The following ATP11A variants were observed in gnomAD, a reference collection of about 807,000 sequenced individuals.
ATP11A encodes ATPase phospholipid transporting 11A, also known as phospholipid-transporting ATPase IH.
A neutral mutation model predicts 154.4 loss-of-function variants in ATP11A; 81 were observed. The observed-to-expected ratio is 0.52, with a 90% confidence interval of 0.44 to 0.63. The LOEUF (loss-of-function observed/expected upper bound fraction) is 0.63. Ranked by LOEUF, ATP11A falls within the 30% of genes least tolerant of loss-of-function variation. ATP11A has a pLI of 0.00. For missense variants in ATP11A, 1,316 were observed against 1,474.3 expected (o/e 0.89, Z 1.76); for synonymous variants, 623 against 585.9 (o/e 1.06, Z -0.91).
intron 25 of ATP11A, among the ~76,000 whole-genome samples, chr13:112,864,774 C>T (rs183474474): frequency 8.6e-5 from 6 of 69,608 alleles, no homozygotes; most frequent in East Asian, 4.4e-4. Context: ...TAATTCAGTG[C>T]GGCCCATGCA....
chr13:112,752,294 G>A (rs145761556), intron 1 of ATP11A, among the ~76,000 whole-genome samples: 137 of 152,298 alleles, frequency 9.0e-4, no homozygotes, highest in African/African-American at 3.0e-3. Context: ...GCTCGGGGCC[G>A]GGAGGAGGGC....
intron 28 of ATP11A, 106 bp downstream of exon 28, chr13:112,876,047 C>T (rs1010423599): frequency 3.6e-5 from 48 of 1,344,556 alleles, no homozygotes; most frequent in Non-Finnish European, 4.7e-5. Flanking sequence ...TTTCATGAAA[C>T]GTGATCAGTT....
At chr13:112,849,258 T>G (rs1000842664) in intron 17 of ATP11A, among the ~76,000 whole-genome samples, 1 of 152,250 alleles carries the variant, frequency 6.6e-6, no homozygotes, top group East Asian at 1.9e-4. Flanking sequence ...TTGAGCATAT[T>G]TGCATCTATA....
intron 2 of ATP11A, among the ~76,000 whole-genome samples, chr13:112,802,155 C>T (rs543940868): frequency 9.3e-4 from 141 of 152,140 alleles, no homozygotes; most frequent in African/African-American, 3.2e-3. Context: ...CCAACCTGGC[C>T]AACACGATGA....
rs376847683 is a variant in ATP11A at position 112,845,552 on chromosome 13, C to T, written c.1809+3173C>T. Among the ~76,000 whole-genome samples the T allele has an allele frequency of 1.1e-3, 121 of 107,380 alleles. 7 individuals are homozygous for T. Among genetic ancestry groups the T allele is most frequent in the African/African-American group, 4.6e-3 (93 of 20,016 alleles). 70.4% of individuals were successfully genotyped at this position (107,380 alleles called of 152,430 possible). On this transcript the variant is annotated intron_variant, in intron 17 of 29. Transcript: ENST00000375645. ...TAACCAGTCCAGTTGCTGGCACTAG[C>T]GGTACTAACCAGTCCAGTTGCCAGG...
chr13:112,851,723 A>G (rs956865500), intron 18 of ATP11A: 2 of 152,448 alleles, frequency 1.3e-5, no homozygotes, highest in Non-Finnish European at 1.5e-5. Context: ...GGATCTCACT[A>G]TGTTGCCCAG....
Position 112,785,335 on chromosome 13 carries a change from A to T in ATP11A, c.162+78A>T. 1 of 1,340,726 alleles carries T rather than the reference A, an allele frequency of 7.5e-7. No individual in the cohort carries two copies. The highest frequency in any genetic ancestry group is 3.0e-5 in the Admixed American group (1 of 32,870). 83.1% of individuals were successfully genotyped at this position (1,340,726 alleles called of 1,614,324 possible). A position where few individuals can be genotyped will look rare whatever the true frequency, so the allele number is the denominator to read the frequency against. On this transcript the variant is annotated intron_variant, in intron 2 of 29. Transcript: ENST00000375645. This position sits in a 1 kb window ranked among gnomAD's most constrained non-coding sequence, Gnocchi z 4.8. ...GGGGGTGTTAGTGCTTCTCGGTTTC[A>T]AAGAGCGGCTCTGCTCCTGGCCCTG...
At chr13:112,768,134 T>C (rs1015163561) in intron 1 of ATP11A, among the ~76,000 whole-genome samples, 1 of 152,244 alleles carries the variant, frequency 6.6e-6, no homozygotes, top group African/African-American at 2.4e-5. Context: ...TTCCTCCGAC[T>C]TCCTCATAGC....
rs35594681 is a variant in ATP11A at position 112,845,639 on chromosome 13, A to G, written c.1809+3260A>G. On this transcript the variant is annotated intron_variant, in intron 17 of 29. Transcript: ENST00000375645. ...AGCGGTACTAACCAGTCCAGTTGCCAGCACTAGCGGTACTATTCAGTCCAG... is the reference window on the plus strand; with the variant it reads ...AGCGGTACTAACCAGTCCAGTTGCCGGCACTAGCGGTACTATTCAGTCCAG... Among the ~76,000 whole-genome samples the G allele has an allele frequency of 4.1e-4, 43 of 105,652 alleles. 5 individuals carry two copies. The highest frequency in any genetic ancestry group is 1.6e-3 in the African/African-American group (28 of 17,124). The allele number at this position is 105,652 out of a possible 152,430, so 69.3% of individuals were successfully genotyped here.
At position 112,882,662 on chromosome 13, in the gene ATP11A, C is replaced by A; in HGVS notation, c.*796C>A. 1 of 400,294 alleles carries A rather than the reference C, an allele frequency of 2.5e-6. No individual in the cohort carries two copies. Among genetic ancestry groups the A allele is most frequent in the Non-Finnish European group, 4.4e-6 (1 of 227,454 alleles). 24.8% of individuals were successfully genotyped at this position (400,294 alleles called of 1,614,324 possible). A position where few individuals can be genotyped will look rare whatever the true frequency, so the allele number is the denominator to read the frequency against. ...CGGCCGCCTCGTGGAGAAGGCAGTG[C>A]CACGTGGGAGGACAAGGCCACGCCG... is the stretch of plus-strand genomic sequence containing the variant. On this transcript the variant is annotated 3_prime_UTR_variant, in exon 30 of 30. Transcript: ENST00000375645. This position sits in a 1 kb window ranked among gnomAD's most constrained non-coding sequence, Gnocchi z 5.1.
At chr13:112,729,310 C>T (rs945020736) in intron 1 of ATP11A, among the ~76,000 whole-genome samples, 8 of 152,220 alleles carry the variant, frequency 5.3e-5, no homozygotes. Context: ...TTTGCTTTCC[C>T]ACCCCTGCTG....
At position 112,882,696 on chromosome 13, in the gene ATP11A, C is replaced by T; in HGVS notation, c.*830C>T. ...AGGACAAGGCCACGCCGGCAGCTTCCAGCCCTGCCGCAGAAGTGCCAGGAT... is the reference window on the plus strand; with the variant it reads ...AGGACAAGGCCACGCCGGCAGCTTCTAGCCCTGCCGCAGAAGTGCCAGGAT... On this transcript the variant is annotated 3_prime_UTR_variant, in exon 30 of 30. Coordinates refer to ENST00000375645, the MANE Select transcript of ATP11A (RefSeq NM_015205.3). This position sits in a 1 kb window ranked among gnomAD's most constrained non-coding sequence, Gnocchi z 5.1. 1 of 400,082 alleles carries T rather than the reference C, an allele frequency of 2.5e-6. No individual in the cohort carries two copies. The highest frequency in any genetic ancestry group is 3.6e-5 in the East Asian group (1 of 28,078). The allele number at this position is 400,082 out of a possible 1,614,324, so 24.8% of individuals were successfully genotyped here.
intron 17 of ATP11A, among the ~76,000 whole-genome samples, chr13:112,844,676 G>A (rs749614634): frequency 6.6e-6 from 1 of 152,040 alleles, no homozygotes; most frequent in Non-Finnish European, 1.5e-5. Context: ...AGGAACAGCA[G>A]CACTCGTTCA....
At chr13:112,826,914 G>A (rs1329554752) in intron 12 of ATP11A, 23 bp downstream of exon 12, 1 of 1,613,300 alleles carries the variant, frequency 6.2e-7, no homozygotes, top group Non-Finnish European at 8.5e-7. Context: ...TGAGTCATCT[G>A]CTGTGATTTA....
chr13:112,781,768 A>G (rs1218839086), intron 1 of ATP11A, among the ~76,000 whole-genome samples: 1 of 124,532 alleles, frequency 8.0e-6, no homozygotes, highest in Non-Finnish European at 1.7e-5. Context: ...TTCTTAATAA[A>G]CTTGCTTTCA....
intron 1 of ATP11A, among the ~76,000 whole-genome samples, chr13:112,742,883 C>T (rs75569002): frequency 0.065 from 9,844 of 152,300 alleles, 483 homozygotes; most frequent in Non-Finnish European, 0.089. Flanking sequence ...AGACTTTCTG[C>T]AGATAGACAC....
chr13:112,691,407 T>C (rs926793697), intron 1 of ATP11A, among the ~76,000 whole-genome samples: 2 of 140,650 alleles, frequency 1.4e-5, no homozygotes, highest in Non-Finnish European at 3.0e-5. Context: ...GTGGTTGCAA[T>C]GAGCCGAGAT....
At chr13:112,738,554 GA>G (rs1185494151) in intron 1 of ATP11A, among the ~76,000 whole-genome samples, 3 of 152,184 alleles carry the variant, frequency 2.0e-5, no homozygotes, top group African/African-American at 7.2e-5. Flanking sequence ...CAGTGCCGCA[GA>G]TAAGCCGACT....
intron 16 of ATP11A, among the ~76,000 whole-genome samples, chr13:112,837,059 C>T (rs2079256932): frequency 6.6e-6 from 1 of 152,262 alleles, no homozygotes; most frequent in Non-Finnish European, 1.5e-5. Context: ...CCCTCAGGCT[C>T]CCGCCCACAG....
Sources: allele counts gnomAD v4.1 joint callset (sites outside exome capture counted in the v4.1 genomes callset), GRCh38; gene constraint gnomAD v4.1.1; non-coding constraint Gnocchi (gnomAD v3.1); transcripts MANE v1.5; gene names NCBI Gene and HGNC (gene_info 2026-07-23, HGNC 2026-07-21).